The following VAV3 variants were observed in gnomAD, a reference collection of about 807,000 sequenced individuals.
VAV3 encodes vav guanine nucleotide exchange factor 3, also known as guanine nucleotide exchange factor VAV3.
In VAV3, 94 loss-of-function variants were observed where a neutral mutation model predicts 131.2. The observed-to-expected ratio is 0.72, with a 90% CI of 0.61 to 0.85. The LOEUF is 0.85. Among genes scored for constraint, VAV3 ranks in the 40% least tolerant of loss-of-function variants. VAV3 has a pLI of 0.00. For synonymous variants in VAV3, 349 were observed against 342.0 expected (o/e 1.02, Z -0.22); for missense variants, 939 against 1,002.7 (o/e 0.94, Z 0.86).
chr1:107,918,707 T>C (rs12727094), intron 1 of VAV3, among the ~76,000 whole-genome samples: 1 of 49,446 alleles, frequency 2.0e-5, no homozygotes. Flanking sequence ...ATATATATAT[T>C]TTTTTTTTTT....
chr1:107,905,498 T>C (rs1260115603), intron 1 of VAV3, among the ~76,000 whole-genome samples: 1 of 152,074 alleles, frequency 6.6e-6, no homozygotes, highest in Non-Finnish European at 1.5e-5. Context: ...ATGGTAACTG[T>C]TCATGGAAGC....
At chr1:107,720,430 A>AATAG (rs1411729676) in intron 15 of VAV3, among the ~76,000 whole-genome samples, 1 of 131,678 alleles carries the variant, frequency 7.6e-6, no homozygotes, top group Non-Finnish European at 1.6e-5. Flanking sequence ...TAAATAAATA[A>AATAG]AAGTTCCATC....
chr1:107,599,504 T>C lies in VAV3; in HGVS notation c.2220+2893A>G, dbSNP rs543275825. Among the ~76,000 whole-genome samples the C allele has an allele frequency of 9.5e-4, 144 of 152,214 alleles. 1 individual carries two copies. Among genetic ancestry groups the C allele is most frequent in the African/African-American group, 3.4e-3 (140 of 41,518 alleles). ...TTCCAATTACCAAGGAAACAGGCAA[T>C]GGAGATGGTTTATAAACAGCATTTG... On this transcript the variant is annotated intron_variant, in intron 24 of 26. Coordinates refer to ENST00000370056, the MANE Select transcript of VAV3 (RefSeq NM_006113.5).
In VAV3 at chr1:107,755,508, C is replaced by T; in HGVS notation, c.1092G>A (p.Leu364=). The T allele has an allele frequency of 6.2e-7, 1 of 1,612,092 alleles. No homozygotes were observed. The highest frequency in any genetic ancestry group is 8.5e-7 in the Non-Finnish European group (1 of 1,178,498). Residue 364 remains leucine (L), a synonymous_variant, in exon 12 of 27, where the codon TTG becomes TTA. Transcript: ENST00000370056. ...TTTTCACTTCATTCACATATTGTGC[C>T]AAGTCCTAGACAATAAAGAAAAGGG... The part of the protein sequence containing the change: ...LKLALDAMKD[L]AQYVNEVKRD...
intron 2 of VAV3, among the ~76,000 whole-genome samples, chr1:107,830,259 G>A (rs1668196237): frequency 6.6e-6 from 1 of 151,578 alleles, no homozygotes; most frequent in Admixed American, 6.6e-5. Context: ...GTGGAGGGCA[G>A]TGATGCAATC....
intron 2 of VAV3, among the ~76,000 whole-genome samples, chr1:107,802,575 G>A (rs917335944): frequency 3.3e-5 from 5 of 151,958 alleles, no homozygotes; most frequent in Admixed American, 1.3e-4. Context: ...TTTATCAAAC[G>A]TTTTTTCAGC....
intron 10 of VAV3, among the ~76,000 whole-genome samples, chr1:107,758,141 A>G (rs535085327): frequency 6.6e-6 from 1 of 152,154 alleles, no homozygotes; most frequent in Non-Finnish European, 1.5e-5. Flanking sequence ...CACTTAAGCC[A>G]AAACCTAAAA....
chr1:107,808,525 T>C (rs917476713), intron 2 of VAV3, among the ~76,000 whole-genome samples: 1 of 152,188 alleles, frequency 6.6e-6, no homozygotes, highest in African/African-American at 2.4e-5. Flanking sequence ...AAATGATCTA[T>C]TATTTTAATT....
Position 107,772,810 on chromosome 1 carries a change from A to AT in VAV3, c.479dup (p.Tyr160Ter). The AT allele has an allele frequency of 6.2e-7, 1 of 1,613,786 alleles. No individual in the cohort carries two copies. The highest frequency in any genetic ancestry group is 8.5e-7 in the Non-Finnish European group (1 of 1,179,882). Residue 160 changes from tyrosine to a stop codon, truncating the protein, a stop_gained and frameshift_variant, in exon 5 of 27, where the codon TAT becomes TAAT. Transcript: ENST00000370056. LOFTEE classifies it high-confidence loss of function. Reference protein sequence around the residue: ...ETLVEDEEDLYDCVYGEDEGG... With the variant: ...ETLVEDEEDL ...CTTCATCTTCCCCATAAACACAGTCATAGAGATCTTCTTCATCTTCCACAA... is the reference window on the plus strand; with the variant it reads ...CTTCATCTTCCCCATAAACACAGTCATTAGAGATCTTCTTCATCTTCCACAA...
chr1:107,776,316 G>C (rs147141448), intron 4 of VAV3, among the ~76,000 whole-genome samples: 1,695 of 152,322 alleles, frequency 0.011, 15 homozygotes, highest in Middle Eastern at 0.051. Flanking sequence ...CCTCACAAAA[G>C]TGTACCTTCT....
chr1:107,820,300 T>C (rs1228872887), intron 2 of VAV3, among the ~76,000 whole-genome samples: 1 of 152,180 alleles, frequency 6.6e-6, no homozygotes, highest in Non-Finnish European at 1.5e-5. Flanking sequence ...TGAATTCCTG[T>C]CATTTGCAGC....
At chr1:107,791,465 A>T (rs990820428) in intron 2 of VAV3, among the ~76,000 whole-genome samples, 2 of 152,186 alleles carry the variant, frequency 1.3e-5, no homozygotes, top group Non-Finnish European at 2.9e-5. Flanking sequence ...TAAAGGAGGA[A>T]ATACATTCAA....
At chr1:107,740,113 C>G (rs1038694687) in intron 15 of VAV3, among the ~76,000 whole-genome samples, 1 of 152,126 alleles carries the variant, frequency 6.6e-6, no homozygotes, top group South Asian at 2.1e-4. Flanking sequence ...ATGGCAAAAC[C>G]CTGTCTCTAC....
At chr1:107,913,299 T>A (rs1672455066) in intron 1 of VAV3, among the ~76,000 whole-genome samples, 1 of 152,202 alleles carries the variant, frequency 6.6e-6, no homozygotes, top group South Asian at 2.1e-4. Context: ...AGACATAAAA[T>A]GCCCATTTGG....
intron 24 of VAV3, among the ~76,000 whole-genome samples, chr1:107,598,674 C>T (rs1275956082): frequency 1.3e-5 from 2 of 152,076 alleles, no homozygotes; most frequent in Non-Finnish European, 2.9e-5. Context: ...TCAGAATATG[C>T]ATTTGTATTT....
At chr1:107,725,713 A>G (rs985537793) in intron 15 of VAV3, among the ~76,000 whole-genome samples, 7 of 152,058 alleles carry the variant, frequency 4.6e-5, no homozygotes, top group African/African-American at 1.7e-4. Flanking sequence ...GGGTTTCACC[A>G]TGTTGGCCAG....
At chr1:107,704,484 T>TC (rs1291717303) in intron 17 of VAV3, 66 bp downstream of exon 17, 1 of 1,287,480 alleles carries the variant, frequency 7.8e-7, no homozygotes, top group Non-Finnish European at 1.1e-6. Context: ...AAATTAGGCC[T>TC]TAATTATGTT....
chr1:107,640,435 G>C (rs1655258916), intron 20 of VAV3, among the ~76,000 whole-genome samples: 2 of 152,252 alleles, frequency 1.3e-5, no homozygotes, highest in African/African-American at 2.4e-5. Flanking sequence ...TCTGAAAGCA[G>C]AACAGTGGTT....
intron 2 of VAV3, among the ~76,000 whole-genome samples, chr1:107,825,915 A>G (rs900946205): frequency 1.3e-5 from 2 of 152,198 alleles, no homozygotes; most frequent in African/African-American, 4.8e-5. Context: ...CACATTTACT[A>G]TATTGTAAAT....
Sources: gnomAD v4.1 joint callset for allele counts (sites outside exome capture counted in the v4.1 genomes callset) on GRCh38, gnomAD v4.1.1 for gene constraint, MANE v1.5 for transcripts, NCBI Gene and HGNC (gene_info 2026-07-23, HGNC 2026-07-21) for gene names.